Variants in BBS9 observed in about 807,000 individuals in gnomAD.
BBS9 encodes Bardet-Biedl syndrome 9.
A neutral mutation model predicts 117.7 loss-of-function variants in BBS9; 89 were observed. The ratio of observed to expected loss-of-function variants is 0.76; its 90% CI spans 0.64 to 0.90. BBS9 has a LOEUF of 0.90. Ranked by LOEUF, BBS9 falls within the 40% of genes least tolerant of loss-of-function variation. BBS9 has a pLI of 0.00. For missense variants in BBS9, 982 were observed against 1,042.2 expected, an observed-to-expected ratio of 0.94 and a Z score of 0.80; for synonymous variants, 379 against 370.9, an observed-to-expected ratio of 1.02 and a Z score of -0.25.
chr7:33,354,987 A>G lies in BBS9; in HGVS notation c.1552+2114A>G, dbSNP rs1819369026. 2.0e-5 allele frequency among the ~76,000 whole-genome samples: 3 copies of G among 152,092 alleles called. No homozygotes were observed. The South Asian group carries it at 6.2e-4, about 31-fold the overall frequency. On this transcript the variant is annotated intron_variant, in intron 15 of 22. Coordinates refer to ENST00000242067, the MANE Select transcript of BBS9 (RefSeq NM_198428.3). ...CCAATATTGGAGTAAAATAAATGAC[A>G]AAAGTTTCTTTTCTCTCAGCGTAAC... is the stretch of plus-strand genomic sequence containing the variant.
intron 19 of BBS9, among the ~76,000 whole-genome samples, chr7:33,440,074 C>A (rs1835938847): frequency 2.0e-5 from 3 of 152,148 alleles, no homozygotes; most frequent in Admixed American, 2.0e-4. Flanking sequence ...GACGTTAGGG[C>A]TGGCGGTTTT....
At chr7:33,399,824 T>C (rs947833406) in intron 19 of BBS9, among the ~76,000 whole-genome samples, 3 of 152,250 alleles carry the variant, frequency 2.0e-5, no homozygotes, top group African/African-American at 7.2e-5. Context: ...AAGTGCAAAG[T>C]ATTATAACAT....
chr7:33,435,649 A>G (rs1835193882), intron 19 of BBS9, among the ~76,000 whole-genome samples: 1 of 152,190 alleles, frequency 6.6e-6, no homozygotes, highest in Non-Finnish European at 1.5e-5. Flanking sequence ...TGGGTTGGCA[A>G]TATCCTGTGT....
chr7:33,363,988 G>A lies in BBS9; in HGVS notation c.1694-3779G>A, dbSNP rs1403930010. ...TTTTGAGACGGAGTCTCGCTCTGTCGCCCAGGCTGGAGTGCAGTGGCGCGA... is the reference window on the plus strand; with the variant it reads ...TTTTGAGACGGAGTCTCGCTCTGTCACCCAGGCTGGAGTGCAGTGGCGCGA... On this transcript the variant is annotated intron_variant, in intron 16 of 22. Coordinates refer to ENST00000242067, the MANE Select transcript of BBS9 (RefSeq NM_198428.3). Among the ~76,000 whole-genome samples, 13 of 28,310 alleles carry A rather than the reference G, an allele frequency of 4.6e-4. 4 individuals are homozygous for A. Among genetic ancestry groups the A allele is most frequent in the Admixed American group, 8.4e-4 (3 of 3,590 alleles). 18.6% of individuals were successfully genotyped at this position (28,310 alleles called of 152,430 possible). A position where few individuals can be genotyped will look rare whatever the true frequency, so the allele number is the denominator to read the frequency against.
chr7:33,479,300 G>A (rs1238021347), intron 19 of BBS9, among the ~76,000 whole-genome samples: 6 of 152,086 alleles, frequency 3.9e-5, no homozygotes, highest in African/African-American at 1.4e-4. Context: ...TTGTGTCCAT[G>A]TGTCAGTGTT....
At chr7:33,212,012 T>TG (rs1248691505) in intron 5 of BBS9, among the ~76,000 whole-genome samples, 1 of 152,232 alleles carries the variant, frequency 6.6e-6, no homozygotes, top group Admixed American at 6.5e-5. Context: ...TCTGTATCGT[T>TG]GACCTTCAGG....
chr7:33,505,829 G>T (rs1846078441), intron 20 of BBS9, 184 bp downstream of exon 20: 4 of 647,216 alleles, frequency 6.2e-6, no homozygotes, highest in Non-Finnish European at 1.0e-5. Flanking sequence ...TTTCTGTAGA[G>T]CTATTTTAAG....
intron 19 of BBS9, among the ~76,000 whole-genome samples, chr7:33,465,503 A>G (rs1231945037): frequency 6.6e-6 from 1 of 152,168 alleles, no homozygotes; most frequent in African/African-American, 2.4e-5. Flanking sequence ...TTAAAAAGAT[A>G]AAATGAACAC....
At chr7:33,431,917 A>G (rs1455467557) in intron 19 of BBS9, among the ~76,000 whole-genome samples, 1 of 152,188 alleles carries the variant, frequency 6.6e-6, no homozygotes, top group Non-Finnish European at 1.5e-5. Context: ...GAACATTGAA[A>G]TAGGAGAAAA....
chr7:33,450,433 T>C (rs1837630979), intron 19 of BBS9, among the ~76,000 whole-genome samples: 1 of 152,220 alleles, frequency 6.6e-6, no homozygotes, highest in South Asian at 2.1e-4. Context: ...ATTGTTAGTT[T>C]TCTGAGGAAA....
At chr7:33,415,770 G>A (rs567716191) in intron 19 of BBS9, among the ~76,000 whole-genome samples, 2 of 152,248 alleles carry the variant, frequency 1.3e-5, no homozygotes, top group South Asian at 4.1e-4. Context: ...GAATAAGCCA[G>A]CTTCATCTTC....
At chr7:33,218,385 G>A (rs1254978816) in intron 5 of BBS9, among the ~76,000 whole-genome samples, 1 of 152,158 alleles carries the variant, frequency 6.6e-6, no homozygotes, top group African/African-American at 2.4e-5. Context: ...CTGAAAATAT[G>A]GTTGTATATT....
chr7:33,220,874 A>G (rs977149414), intron 5 of BBS9, among the ~76,000 whole-genome samples: 5 of 152,240 alleles, frequency 3.3e-5, no homozygotes, highest in Non-Finnish European at 5.9e-5. Context: ...GCTAAGGATA[A>G]GGAGAAAGAA....
intron 9 of BBS9, among the ~76,000 whole-genome samples, chr7:33,297,258 A>G (rs1312543783): frequency 6.6e-6 from 1 of 152,170 alleles, no homozygotes; most frequent in East Asian, 1.9e-4. Context: ...CTGAGTGGGC[A>G]TCAGATTTGT....
intron 2 of BBS9, among the ~76,000 whole-genome samples, chr7:33,146,571 C>T (rs1417716926): frequency 2.0e-5 from 3 of 151,804 alleles, no homozygotes; most frequent in Admixed American, 2.0e-4. Flanking sequence ...TGGTGGTGGG[C>T]ATCTGTAATC....
At chr7:33,453,030 T>G (rs975542299) in intron 19 of BBS9, among the ~76,000 whole-genome samples, 1 of 152,190 alleles carries the variant, frequency 6.6e-6, no homozygotes, top group Non-Finnish European at 1.5e-5. Context: ...TTTAGAAAGG[T>G]TTTCCTTCAA....
chr7:33,316,009 G>T (rs577469680), intron 9 of BBS9, among the ~76,000 whole-genome samples: 67 of 152,122 alleles, frequency 4.4e-4, no homozygotes, highest in African/African-American at 1.5e-3. Context: ...CCTTAACTAT[G>T]CACTTTTGAC....
chr7:33,257,107 GAATGCTGCTT>G (rs1489252762), intron 5 of BBS9, 119 bp from the exon 6 acceptor site: 6 of 570,544 alleles, frequency 1.1e-5, no homozygotes, highest in Non-Finnish European at 1.7e-5. Flanking sequence ...TTTTCACACC[GAATGCTGCTT>G]AATGCTATGA....
rs367561038 is a variant in BBS9, at chr7:33,511,135, C to T, written c.2298+5490C>T. The stretch of plus-strand genomic sequence containing the variant: ...TTAATTTTTTTCTGTTGAGCCTGCA[C>T]GTGGTCTCAGAATCCTTTTGAATAC... On this transcript the variant is annotated intron_variant, in intron 20 of 22. Transcript: ENST00000242067. 2.2e-3 allele frequency among the ~76,000 whole-genome samples: 332 copies of T among 152,098 alleles called. 7 individuals are homozygous for T. In the South Asian group the frequency reaches 0.046, roughly 21 times the overall value.
Sources: allele counts gnomAD v4.1 joint callset (sites outside exome capture counted in the v4.1 genomes callset), GRCh38; gene constraint gnomAD v4.1.1; transcripts MANE v1.5; gene names NCBI Gene and HGNC (gene_info 2026-07-23, HGNC 2026-07-21).